Variants in GEMIN7 observed in about 807,000 individuals in gnomAD.
GEMIN7 encodes gem nuclear organelle associated protein 7, also known as gem-associated protein 7.
In GEMIN7, 7 loss-of-function variants were observed where a neutral mutation model predicts 7.8. The observed-to-expected ratio is 0.90, with a 90% CI of 0.51 to 1.69. GEMIN7 has a LOEUF of 1.69. GEMIN7 is among the 40% of genes most tolerant of loss of function. The pLI, the probability that GEMIN7 is intolerant of heterozygous loss-of-function variation, is 0.00. For synonymous variants in GEMIN7, 68 were observed against 72.4 expected (o/e 0.94, Z 0.31); for missense variants, 159 against 176.2 (o/e 0.90, Z 0.55).
At chr19:45,081,128 C>T (rs1426817726) in intron 2 of GEMIN7, among the ~76,000 whole-genome samples, 1 of 152,090 alleles carries the variant, frequency 6.6e-6, no homozygotes, top group Non-Finnish European at 1.5e-5. Context: ...ACAGCGAGAC[C>T]TCACCTCAAA....
At chr19:45,084,064 A>G (rs1967593642) in intron 2 of GEMIN7, among the ~76,000 whole-genome samples, 1 of 151,870 alleles carries the variant, frequency 6.6e-6, no homozygotes, top group Non-Finnish European at 1.5e-5. Context: ...TAAAAATATC[A>G]GCTGGGCGTG....
chr19:45,088,193 A>G (rs1287060247), intron 2 of GEMIN7, among the ~76,000 whole-genome samples: 1 of 151,852 alleles, frequency 6.6e-6, no homozygotes, highest in Admixed American at 6.6e-5. Flanking sequence ...TGATCTGCCC[A>G]CCTCGGCCTC....
At chr19:45,084,484 C>A (rs1460867783) in intron 2 of GEMIN7, among the ~76,000 whole-genome samples, 1 of 152,096 alleles carries the variant, frequency 6.6e-6, no homozygotes, top group Non-Finnish European at 1.5e-5. Context: ...CTCACTGCAG[C>A]CTCTGGCTCA....
At chr19:45,086,533 GGTTA>G (rs796236491) in intron 2 of GEMIN7, among the ~76,000 whole-genome samples, 37 of 152,248 alleles carry the variant, frequency 2.4e-4, no homozygotes, top group African/African-American at 7.9e-4. Context: ...AAACATGGTA[GGTTA>G]GTTAGGTAAT....
chr19:45,076,447 C>T (rs919237855), upstream of GEMIN7: 36 of 1,107,196 alleles, frequency 3.3e-5, no homozygotes, highest in Non-Finnish European at 3.6e-5. The surrounding 1 kb of genome is among the most constrained non-coding windows in gnomAD (Gnocchi z 4.9). Context: ...GAGCGGAGGA[C>T]GCGCGGACCG....
chr19:45,078,097 CTTTTTTTTT>C (rs57149861), upstream of GEMIN7, among the ~76,000 whole-genome samples: 2 of 96,656 alleles, frequency 2.1e-5, no homozygotes, highest in African/African-American at 4.3e-5. Flanking sequence ...TTATTTTACT[CTTTTTTTTT>C]TTTTTTTTTT....
intron 2 of GEMIN7, among the ~76,000 whole-genome samples, chr19:45,084,645 T>C (rs1034639061): frequency 3.3e-4 from 50 of 152,326 alleles, no homozygotes; most frequent in African/African-American, 1.2e-3. Flanking sequence ...GCACAATATC[T>C]CAGCTCACTG....
chr19:45,079,926 G>C lies in GEMIN7; in HGVS notation c.-112G>C, dbSNP rs1245807166. The C allele has an allele frequency of 6.6e-6, 1 of 152,234 alleles. No homozygotes were observed. The highest frequency in any genetic ancestry group is 1.5e-5 in the Non-Finnish European group (1 of 68,078). The allele number at this position is 152,234 out of a possible 1,614,324, so 9.4% of individuals were successfully genotyped here. A position where few individuals can be genotyped will look rare whatever the true frequency, so the allele number is the denominator to read the frequency against. ...AATTAGGTCTGGCGGCTTCTCTGTT[G>C]ACAACTCAGCTGGTTCCACACCCTG... On this transcript the variant is annotated 5_prime_UTR_variant, in exon 2 of 3. Transcript: ENST00000270257.
intron 2 of GEMIN7, among the ~76,000 whole-genome samples, chr19:45,080,782 T>TTC (rs1555735694): frequency 2.0e-4 from 29 of 148,568 alleles, no homozygotes; most frequent in South Asian, 4.3e-4. Context: ...TTTTTTTTTT[T>TTC]CCTGATGGAG....
Position 45,089,964 on chromosome 19 carries a change from C to T in GEMIN7, c.-8-143C>T, listed in dbSNP as rs1967834684. 1.3e-5 allele frequency: 11 copies of T among 821,246 alleles called. No homozygotes were observed. The South Asian group carries it at 1.8e-4, about 14-fold the overall frequency. 50.9% of individuals were successfully genotyped at this position (821,246 alleles called of 1,614,324 possible). Reference sequence around the variant, plus strand: ...GATCCAAGCCATTGGGGGACGATGGCACAGATTTTAGGAGGGTGGATCAGT... The same window carrying T: ...GATCCAAGCCATTGGGGGACGATGGTACAGATTTTAGGAGGGTGGATCAGT... On this transcript the variant is annotated intron_variant, in intron 2 of 2. Coordinates refer to ENST00000270257, the MANE Select transcript of GEMIN7 (RefSeq NM_024707.3).
chr19:45,090,512 G>A lies in GEMIN7; in HGVS notation c.*2G>A. The A allele has an allele frequency of 6.2e-7, 1 of 1,600,872 alleles. No homozygotes were observed. The highest frequency in any genetic ancestry group is 1.1e-5 in the South Asian group (1 of 90,694). On this transcript the variant is annotated 3_prime_UTR_variant, in exon 3 of 3. Transcript: ENST00000270257. ...ATTTCATATACCTTCAAGCCATAAA[G>A]ATATTGTGTTCACTTTTCTGCTTGA...
upstream of GEMIN7, among the ~76,000 whole-genome samples, chr19:45,077,054 A>G (rs1967369229): frequency 6.6e-6 from 1 of 152,136 alleles, no homozygotes; most frequent in African/African-American, 2.4e-5. Flanking sequence ...TGAGGGATTC[A>G]ATTTTCTCCC....
At chr19:45,075,994 C>T, upstream of GEMIN7, 1 of 1,567,118 alleles carries the variant, frequency 6.4e-7, no homozygotes, top group Admixed American at 2.0e-5. Flanking sequence ...TAAGGCAGGG[C>T]GAGGGGCCCA....
intron 2 of GEMIN7, among the ~76,000 whole-genome samples, chr19:45,083,590 A>G (rs1568430628): frequency 8.0e-6 from 1 of 124,324 alleles, no homozygotes; most frequent in African/African-American, 3.2e-5. Context: ...TTCTTTTCCA[A>G]TTCTTCTTCT....
upstream of GEMIN7, chr19:45,075,927 G>T: frequency 6.2e-7 from 1 of 1,601,758 alleles, no homozygotes; most frequent in African/African-American, 1.3e-5. Flanking sequence ...GGTGCTGAAG[G>T]AGAGGGGAAA....
chr19:45,078,967 G>C (rs1967411708), upstream of GEMIN7, among the ~76,000 whole-genome samples: 1 of 152,188 alleles, frequency 6.6e-6, no homozygotes, highest in African/African-American at 2.4e-5. Flanking sequence ...GGGATGCAAA[G>C]ACCGAGCTCT....
chr19:45,076,209 C>T, upstream of GEMIN7: 3 of 1,507,140 alleles, frequency 2.0e-6, no homozygotes, highest in Non-Finnish European at 2.7e-6. This position sits in a 1 kb window ranked among gnomAD's most constrained non-coding sequence, Gnocchi z 4.9. Context: ...CCGAGGACAC[C>T]TCCTTCGGGG....
intron 2 of GEMIN7, among the ~76,000 whole-genome samples, chr19:45,089,577 C>G (rs1600146036): frequency 6.6e-6 from 1 of 152,266 alleles, no homozygotes; most frequent in Middle Eastern, 3.4e-3. Context: ...CACTCTGTCA[C>G]CCAAGCTGGA....
intron 2 of GEMIN7, chr19:45,088,562 AG>A (rs1967781000): frequency 6.6e-6 from 1 of 152,042 alleles, no homozygotes; most frequent in Non-Finnish European, 1.5e-5. Context: ...CCTGAACGCA[AG>A]CAATCCTCTC....
Sources: allele counts gnomAD v4.1 joint callset (sites outside exome capture counted in the v4.1 genomes callset), GRCh38; gene constraint gnomAD v4.1.1; non-coding constraint Gnocchi (gnomAD v3.1); transcripts MANE v1.5; gene names NCBI Gene and HGNC (gene_info 2026-07-23, HGNC 2026-07-21).